Variants in GABRA2 observed in about 807,000 individuals in gnomAD.
The protein encoded by GABRA2 is gamma-aminobutyric acid type A receptor subunit alpha2, also known as gamma-aminobutyric acid receptor subunit alpha-2.
In GABRA2, 16 loss-of-function variants were observed where a neutral mutation model predicts 48.7. The observed-to-expected ratio is 0.33, with a 90% CI of 0.22 to 0.50. The LOEUF (loss-of-function observed/expected upper bound fraction) is 0.50, where lower values mean the gene tolerates loss of function less well. Ranked by LOEUF, GABRA2 falls within the 20% of genes least tolerant of loss-of-function variation. GABRA2 has a pLI of 0.98. For missense variants in GABRA2, 275 were observed against 535.6 expected (o/e 0.51, Z 4.80); for synonymous variants, 185 against 184.5 (o/e 1.00, Z -0.02).
intron 4 of GABRA2, among the ~76,000 whole-genome samples, chr4:46,329,825 G>T (rs994023368): frequency 1.3e-5 from 2 of 151,888 alleles, no homozygotes; most frequent in South Asian, 4.2e-4. Context: ...AACAACTGTT[G>T]GCAAGCCTGA....
rs1278749482 is a variant in GABRA2 at position 46,243,692 on chromosome 4, G to A, written c.*6616C>T. ...TAGTGGCCTTTCCCAATTACAACAA[G>A]GTCACAATTACAAATATTAGTTCTT... On this transcript the variant is annotated 3_prime_UTR_variant, in exon 10 of 10. Transcript: ENST00000381620. 2 of 151,214 alleles carry A rather than the reference G, an allele frequency of 1.3e-5. No individual in the cohort carries two copies. The highest frequency in any genetic ancestry group is 4.8e-5 in the African/African-American group (2 of 41,308). The allele number at this position is 151,214 out of a possible 1,614,324, so 9.4% of individuals were successfully genotyped here. A position where few individuals can be genotyped will look rare whatever the true frequency, so the allele number is the denominator to read the frequency against.
intron 1 of GABRA2, chr4:46,389,366 GAAACGACGCGTTTGACA>G (rs1239023327): frequency 6.1e-6 from 6 of 985,252 alleles, no homozygotes; most frequent in African/African-American, 1.7e-5. Context: ...CAAGTGCTGC[GAAACGACGCGTTTGACA>G]GCTGCTCTGG....
chr4:46,305,963 TG>T (rs962896110), intron 6 of GABRA2, among the ~76,000 whole-genome samples: 3 of 152,152 alleles, frequency 2.0e-5, no homozygotes, highest in Non-Finnish European at 4.4e-5. Flanking sequence ...GCAAATTTCT[TG>T]TTAGAGTCTG....
intron 8 of GABRA2, among the ~76,000 whole-genome samples, chr4:46,267,081 C>T (rs1718397087): frequency 6.6e-6 from 1 of 152,004 alleles, no homozygotes; most frequent in Non-Finnish European, 1.5e-5. Context: ...ACAGTATATT[C>T]ATGTGTTGAT....
chr4:46,296,634 G>A (rs529099850), intron 8 of GABRA2, among the ~76,000 whole-genome samples: 36 of 137,046 alleles, frequency 2.6e-4, no homozygotes, highest in African/African-American at 9.7e-4. Context: ...AGGAATGAAG[G>A]TTTGGATTAC....
chr4:46,324,777 A>T (rs904997259), intron 4 of GABRA2, among the ~76,000 whole-genome samples: 1 of 151,290 alleles, frequency 6.6e-6, no homozygotes, highest in Non-Finnish European at 1.5e-5. Context: ...GTCTATGTGT[A>T]CTTGATGTTT....
At chr4:46,315,043 A>C (rs115211461) in intron 4 of GABRA2, among the ~76,000 whole-genome samples, 2,876 of 152,036 alleles carry the variant, frequency 0.019, 79 homozygotes, top group African/African-American at 0.065. Context: ...GGTCTGTTTT[A>C]AGTTCTTTGA....
intron 3 of GABRA2, among the ~76,000 whole-genome samples, chr4:46,353,382 C>G (rs1735462161): frequency 6.6e-6 from 1 of 152,080 alleles, no homozygotes; most frequent in Non-Finnish European, 1.5e-5. Flanking sequence ...CTCACCACTG[C>G]AAACAGACTG....
At chr4:46,305,773 A>C (rs1435661574) in intron 6 of GABRA2, 62 bp from the exon 7 acceptor site, 5 of 1,234,222 alleles carry the variant, frequency 4.1e-6, no homozygotes, top group African/African-American at 1.5e-5. Context: ...CTAGTGCTAC[A>C]CGAACGGTTG....
At chr4:46,357,357 T>A (rs1277910307) in intron 3 of GABRA2, among the ~76,000 whole-genome samples, 2 of 149,516 alleles carry the variant, frequency 1.3e-5, no homozygotes, top group African/African-American at 2.5e-5. Flanking sequence ...ATAGGCCCCA[T>A]AAGCCCTAAA....
In GABRA2 at chr4:46,390,058, G is replaced by GC. The variant is rs1300077719; in HGVS notation, c.-335_-334insG. On this transcript the variant is annotated 5_prime_UTR_variant, in exon 1 of 10. Coordinates refer to ENST00000381620, the MANE Select transcript of GABRA2 (RefSeq NM_000807.4). The stretch of plus-strand genomic sequence containing the variant: ...AAACGATGACAGGAGCTGGGGCCGG[G>GC]GGGGGAAATTGGGGGGACGCGGGCG... The GC allele has an allele frequency of 1.0e-4, 37 of 359,460 alleles. 5 individuals are homozygous for GC. The highest frequency in any genetic ancestry group is 1.4e-4 in the Non-Finnish European group (36 of 259,738). 22.3% of individuals were successfully genotyped at this position (359,460 alleles called of 1,614,324 possible).
intron 8 of GABRA2, among the ~76,000 whole-genome samples, chr4:46,298,386 TC>T (rs1477434241): frequency 6.6e-6 from 1 of 152,100 alleles, no homozygotes; most frequent in Non-Finnish European, 1.5e-5. Context: ...ACAGAGACAA[TC>T]TTTACAGTTC....
intron 3 of GABRA2, among the ~76,000 whole-genome samples, chr4:46,370,461 C>T (rs982588472): frequency 2.6e-5 from 4 of 152,048 alleles, no homozygotes; most frequent in Non-Finnish European, 1.5e-5. Context: ...GGAGGTAGAT[C>T]TATGAAGTCC....
chr4:46,275,673 T>G (rs1214043901), intron 8 of GABRA2, among the ~76,000 whole-genome samples: 2 of 152,140 alleles, frequency 1.3e-5, no homozygotes, highest in Non-Finnish European at 2.9e-5. Flanking sequence ...ATCAAATTAT[T>G]TTTCTATTTC....
intron 3 of GABRA2, among the ~76,000 whole-genome samples, chr4:46,352,339 T>C (rs1297890656): frequency 1.3e-5 from 2 of 151,930 alleles, no homozygotes; most frequent in African/African-American, 2.4e-5. Flanking sequence ...TTACAACTGT[T>C]GAGCCTCAAC....
At chr4:46,299,584 T>C (rs1291095086) in intron 8 of GABRA2, among the ~76,000 whole-genome samples, 2 of 151,884 alleles carry the variant, frequency 1.3e-5, no homozygotes, top group Non-Finnish European at 2.9e-5. Flanking sequence ...AATGTGTTTG[T>C]TAAACAGCCA....
chr4:46,357,454 A>G (rs1042578390), intron 3 of GABRA2, among the ~76,000 whole-genome samples: 8 of 147,124 alleles, frequency 5.4e-5, no homozygotes, highest in African/African-American at 1.5e-4. Context: ...AAAGACCTCA[A>G]TTTGAATTTG....
Position 46,386,199 on chromosome 4 carries a change from T to A in GABRA2, c.72-10A>T. On this transcript the variant is annotated splice_polypyrimidine_tract_variant and intron_variant, in intron 2 of 9. Transcript: ENST00000381620. ...GTTAGCCAGCACCAACCTAAACAGATAATTTTAAAAGCTGATATATATACA... is the reference window on the plus strand; with the variant it reads ...GTTAGCCAGCACCAACCTAAACAGAAAATTTTAAAAGCTGATATATATACA... 6.5e-7 allele frequency: 1 copy of A among 1,527,504 alleles called. No individual in the cohort carries two copies. Among genetic ancestry groups the A allele is most frequent in the Non-Finnish European group, 9.0e-7 (1 of 1,109,436 alleles). The allele number at this position is 1,527,504 out of a possible 1,614,324, so 94.6% of individuals were successfully genotyped here. A position where few individuals can be genotyped will look rare whatever the true frequency, so the allele number is the denominator to read the frequency against.
At chr4:46,376,385 C>A (rs1385959075) in intron 3 of GABRA2, among the ~76,000 whole-genome samples, 1 of 152,188 alleles carries the variant, frequency 6.6e-6, no homozygotes, top group East Asian at 1.9e-4. Flanking sequence ...GGGAGAGAAA[C>A]AAAAACTTTG....
Sources: gnomAD v4.1 joint callset for allele counts (sites outside exome capture counted in the v4.1 genomes callset) on GRCh38, gnomAD v4.1.1 for gene constraint, MANE v1.5 for transcripts, NCBI Gene and HGNC (gene_info 2026-07-23, HGNC 2026-07-21) for gene names.